Variants in WT1 observed in about 807,000 individuals in gnomAD.
WT1 encodes the protein WT1 transcription factor, also known as Wilms tumor protein.
A neutral mutation model predicts 60.8 loss-of-function variants in WT1; 8 were observed. The ratio of observed to expected loss-of-function variants is 0.13; its 90% CI spans 0.08 to 0.24. WT1 has a LOEUF of 0.24. Among genes scored for constraint, WT1 ranks in the 10% least tolerant of loss-of-function variants. WT1 has a pLI of 1.00. For missense variants in WT1, 568 were observed against 711.8 expected, an observed-to-expected ratio of 0.80 and a Z score of 2.30; for synonymous variants, 312 against 297.1, an observed-to-expected ratio of 1.05 and a Z score of -0.52.
chr11:32,400,066 A>G (rs768505896), intron 5 of WT1, 22 bp from the exon 6 acceptor site: 15 of 1,613,654 alleles, frequency 9.3e-6, no homozygotes, highest in Non-Finnish European at 1.2e-5. Context: ...AAGAAGGGAA[A>G]AAGGCTCAGT....
intron 1 of WT1, among the ~76,000 whole-genome samples, chr11:32,434,130 G>T (rs1302203340): frequency 6.6e-6 from 1 of 152,262 alleles, no homozygotes; most frequent in Non-Finnish European, 1.5e-5. Context: ...TACTGGAGGT[G>T]CATGTGCTCA....
chr11:32,419,372 AT>A (rs966636694), intron 3 of WT1, among the ~76,000 whole-genome samples: 3 of 152,198 alleles, frequency 2.0e-5, no homozygotes, highest in Non-Finnish European at 4.4e-5. Flanking sequence ...GCCAACAGGC[AT>A]TGTATTCCCC....
intron 9 of WT1, 71 bp downstream of exon 9, chr11:32,391,901 C>G (rs1851827284): frequency 1.3e-6 from 2 of 1,500,466 alleles, no homozygotes; most frequent in Non-Finnish European, 1.9e-6. Flanking sequence ...TCCAATCCCT[C>G]TCATCACAAT....
intron 5 of WT1, among the ~76,000 whole-genome samples, chr11:32,414,595 G>A (rs1436903334): frequency 6.6e-6 from 1 of 152,210 alleles, no homozygotes; most frequent in African/African-American, 2.4e-5. Context: ...TTTTTAGTCA[G>A]GGCGCAGCAG....
In WT1 at chr11:32,428,066, G is replaced by A. The variant is rs1204125933; in HGVS notation, c.785-8C>T. 6.3e-7 allele frequency: 1 copy of A among 1,594,830 alleles called. No homozygotes were observed. Among genetic ancestry groups the A allele is most frequent in the Non-Finnish European group, 8.6e-7 (1 of 1,167,484 alleles). On this transcript the variant is annotated splice_polypyrimidine_tract_variant and splice_region_variant and intron_variant, in intron 2 of 9. Coordinates refer to ENST00000452863, the MANE Select transcript of WT1 (RefSeq NM_024426.6). ...CCGAGTACTGCTGCTCACCTGCAGA[G>A]AGAACCGAAGACAGCTGAGCGAGTG... is the stretch of plus-strand genomic sequence containing the variant.
At chr11:32,401,467 G>A (rs543861168) in intron 5 of WT1, among the ~76,000 whole-genome samples, 3 of 151,460 alleles carry the variant, frequency 2.0e-5, no homozygotes, top group African/African-American at 4.9e-5. Context: ...TGAATCATAC[G>A]GTCCGTGCAA....
chr11:32,391,865 A>G, intron 9 of WT1, 107 bp downstream of exon 9: 1 of 1,169,602 alleles, frequency 8.5e-7, no homozygotes, highest in Non-Finnish European at 1.3e-6. Flanking sequence ...CTGAGTCTAA[A>G]CCTTAGAACT....
chr11:32,429,795 AC>A (rs1397391312), intron 1 of WT1, among the ~76,000 whole-genome samples: 4 of 151,892 alleles, frequency 2.6e-5, no homozygotes, highest in Admixed American at 6.6e-5. Flanking sequence ...TCCAAACTTC[AC>A]AAAATTCTCA....
At chr11:32,424,490 G>T (rs1278660338) in intron 3 of WT1, among the ~76,000 whole-genome samples, 1 of 152,118 alleles carries the variant, frequency 6.6e-6, no homozygotes, top group African/African-American at 2.4e-5. Flanking sequence ...ACATTATAAG[G>T]ACTCATGCTG....
rs962999593 is a variant in WT1, at chr11:32,388,132, G to A, written c.*926C>T. The A allele has an allele frequency of 3.8e-5, 9 of 234,106 alleles. No homozygotes were observed. Among genetic ancestry groups the A allele is most frequent in the Admixed American group, 1.1e-4 (2 of 17,738 alleles). The allele number at this position is 234,106 out of a possible 1,614,324, so 14.5% of individuals were successfully genotyped here. ...AAGGTCCTTAAGTTACTTAAAAACA[G>A]TCTTATCAGTGGAGATCCTGGACCA... is the stretch of plus-strand genomic sequence containing the variant. On this transcript the variant is annotated 3_prime_UTR_variant, in exon 10 of 10. Coordinates refer to ENST00000452863, the MANE Select transcript of WT1 (RefSeq NM_024426.6).
intron 1 of WT1, among the ~76,000 whole-genome samples, chr11:32,432,997 G>T (rs1026532257): frequency 1.3e-4 from 20 of 152,292 alleles, no homozygotes; most frequent in African/African-American, 4.8e-4. Context: ...ATGGGTTGCC[G>T]AGTTCCATAT....
chr11:32,411,382 A>G (rs1471289753), intron 5 of WT1, among the ~76,000 whole-genome samples: 1 of 152,234 alleles, frequency 6.6e-6, no homozygotes, highest in Non-Finnish European at 1.5e-5. Flanking sequence ...CAAAGCTATC[A>G]TGACAACTTC....
chr11:32,424,454 T>A (rs1018750744), intron 3 of WT1, among the ~76,000 whole-genome samples: 1 of 152,138 alleles, frequency 6.6e-6, no homozygotes, highest in African/African-American at 2.4e-5. Context: ...CAACATATAG[T>A]CAGCATGCAA....
chr11:32,434,768 G>C lies in WT1; in HGVS notation c.593C>G (p.Ala198Gly). ...GTAGGGCGCGTTAGGAAACATCCTG[G>C]CCTGGCCGGATGACGCCTGGCTGGG... The change falls in exon 1 of 10, where the codon GCC (alanine) becomes GGC (glycine). Residue 198 changes from alanine to glycine, a missense_variant. This residue lies in a region of WT1 where 523 missense variants were observed against 565.1 expected (regional missense o/e 0.93). Transcript: ENST00000452863. The C allele has an allele frequency of 6.2e-7, 1 of 1,612,840 alleles. No individual in the cohort carries two copies. Among genetic ancestry groups the C allele is most frequent in the Non-Finnish European group, 8.5e-7 (1 of 1,179,906 alleles).
intron 5 of WT1, 28 bp downstream of exon 5, chr11:32,416,462 C>T (rs778247582): frequency 5.6e-6 from 9 of 1,614,050 alleles, no homozygotes; most frequent in Non-Finnish European, 6.8e-6. Context: ...ACGCCATTTG[C>T]TTTGCCATCT....
At chr11:32,392,543 A>G (rs1851847651) in intron 8 of WT1, 123 bp downstream of exon 8, 1 of 978,866 alleles carries the variant, frequency 1.0e-6, no homozygotes, top group Non-Finnish European at 1.6e-6. Context: ...ATGGGGGGAA[A>G]ATACTGGAAA....
Position 32,416,409 on chromosome 11 carries a change from G to A in WT1, c.1016+81C>T, listed in dbSNP as rs5030208. ...AATGCTACCCTGATTACCCACGTCA[G>A]TCCTAACTCCTGCATTGCCCCAGGT... On this transcript the variant is annotated intron_variant, in intron 5 of 9. Coordinates refer to ENST00000452863, the MANE Select transcript of WT1 (RefSeq NM_024426.6). 2,329 of 1,575,618 alleles carry A rather than the reference G, an allele frequency of 1.5e-3. 27 individuals carry two copies. In the African/African-American group the frequency reaches 0.028, roughly 19 times the overall value.
chr11:32,396,432 G>A (rs763082845), intron 6 of WT1, 25 bp from the exon 7 acceptor site: 8 of 1,612,064 alleles, frequency 5.0e-6, no homozygotes, highest in Non-Finnish European at 6.8e-6. Context: ...TAAGAGGAAG[G>A]GAGGCTTTAA....
chr11:32,399,868 A>G, intron 6 of WT1, 80 bp downstream of exon 6: 3 of 1,471,974 alleles, frequency 2.0e-6, no homozygotes, highest in Non-Finnish European at 2.8e-6. Context: ...CAAAGAGTCC[A>G]TCAGTAAGGA....
Sources: gnomAD v4.1 joint callset for allele counts (sites outside exome capture counted in the v4.1 genomes callset) on GRCh38, gnomAD v4.1.1 for gene constraint, gnomAD v4.1.1 regional missense constraint, MANE v1.5 for transcripts, NCBI Gene and HGNC (gene_info 2026-07-23, HGNC 2026-07-21) for gene names.